The following LRRC9 variants were observed in gnomAD, a reference collection of about 807,000 sequenced individuals.
The protein encoded by LRRC9 is leucine rich repeat containing 9.
LRRC9 carries 122 observed loss-of-function variants against 63.2 expected under a neutral mutation model. The observed-to-expected ratio is 1.93, with a 90% CI of 1.67 to 2.24. LRRC9 has a LOEUF of 2.24. Among genes scored for constraint, LRRC9 ranks in the 30% most tolerant of loss-of-function variants. The pLI, the probability that LRRC9 is intolerant of heterozygous loss-of-function variation, is 0.00. For missense variants in LRRC9, 1,071 were observed against 627.7 expected, an observed-to-expected ratio of 1.71 and a Z score of -7.55; for synonymous variants, 366 against 213.1, an observed-to-expected ratio of 1.72 and a Z score of -6.25.
At chr14:59,985,914 A>C (rs901980619) in intron 17 of LRRC9, among the ~76,000 whole-genome samples, 6 of 152,116 alleles carry the variant, frequency 3.9e-5, no homozygotes, top group Admixed American at 3.9e-4. Context: ...TTGCTTTTAA[A>C]ATGTACTTTG....
intron 11 of LRRC9, 37 bp from the exon 12 acceptor site, chr14:59,967,059 C>A: frequency 1.7e-6 from 1 of 587,102 alleles, no homozygotes; most frequent in South Asian, 2.1e-5. Context: ...TTTGTGAAAT[C>A]AATCCTCAAA....
intron 27 of LRRC9, among the ~76,000 whole-genome samples, chr14:60,025,704 A>G (rs1337361154): frequency 7.3e-5 from 11 of 151,592 alleles, no homozygotes; most frequent in Admixed American, 7.2e-4. Flanking sequence ...AGAAAGTGAC[A>G]TTCAGTGTGG....
At chr14:59,999,368 G>T in intron 19 of LRRC9, 142 bp downstream of exon 19, 2 of 477,256 alleles carry the variant, frequency 4.2e-6, no homozygotes, top group East Asian at 3.3e-5. Context: ...ATACCACTTG[G>T]TATTTTTTCT....
At chr14:59,956,218 T>C (rs1490388124) in intron 8 of LRRC9, among the ~76,000 whole-genome samples, 1 of 152,168 alleles carries the variant, frequency 6.6e-6, no homozygotes, top group Non-Finnish European at 1.5e-5. Context: ...TGTTGATCTG[T>C]CTAATGTGAC....
intron 6 of LRRC9, among the ~76,000 whole-genome samples, chr14:59,935,377 G>A (rs1033221220): frequency 2.0e-5 from 3 of 151,908 alleles, no homozygotes; most frequent in African/African-American, 7.3e-5. Flanking sequence ...ATGTTACTCT[G>A]TGCTAGAAAG....
At chr14:60,009,019 C>T (rs757838470) in intron 23 of LRRC9, among the ~76,000 whole-genome samples, 36 of 152,150 alleles carry the variant, frequency 2.4e-4, no homozygotes, top group Non-Finnish European at 4.1e-4. Context: ...TATTTGTTAG[C>T]TTTCACTGAA....
In LRRC9 at chr14:60,008,076, G is replaced by C. The variant is rs901673353; in HGVS notation, c.3064-16G>C. On this transcript the variant is annotated splice_polypyrimidine_tract_variant and intron_variant, in intron 22 of 31. Coordinates refer to ENST00000445360, the Ensembl canonical transcript of LRRC9. ...TAAATATACATATAGATGAATATAT[G>C]TATTTTATTACCTAGGGTTTATGCA... The C allele has an allele frequency of 3.0e-6, 2 of 663,532 alleles. No individual in the cohort carries two copies. The highest frequency in any genetic ancestry group is 3.3e-5 in the South Asian group (2 of 60,284). The allele number at this position is 663,532 out of a possible 1,614,324, so 41.1% of individuals were successfully genotyped here.
At position 60,027,921 on chromosome 14, in the gene LRRC9, A is replaced by G. The variant is rs1891686450; in HGVS notation, c.3741A>G (p.Leu1247=). 1.4e-6 allele frequency: 1 copy of G among 701,586 alleles called. No homozygotes were observed. Among genetic ancestry groups the G allele is most frequent in the South Asian group, 1.5e-5 (1 of 67,454 alleles). The allele number at this position is 701,586 out of a possible 1,614,324, so 43.5% of individuals were successfully genotyped here. A position where few individuals can be genotyped will look rare whatever the true frequency, so the allele number is the denominator to read the frequency against. ...GCCAAGTTGAAGGGCTTGACAACTT[A>G]GTAGTCCTTCAAGAATTGGTAGTGG... Residue 1247 remains leucine, a synonymous_variant, in exon 28 of 32, where the codon TTA becomes TTG. Coordinates refer to ENST00000445360, the Ensembl canonical transcript of LRRC9. This position sits in a 1 kb window ranked among gnomAD's most constrained non-coding sequence, Gnocchi z 4.0.
At position 60,038,394 on chromosome 14, in the gene LRRC9, A is replaced by C. The variant is rs1341717233; in HGVS notation, c.3990+6331A>C. On this transcript the variant is annotated intron_variant, in intron 29 of 31. Transcript: ENST00000445360. ...TTCACAATATTGATTCTTCCTATCC[A>C]TGAGCATGGAATGTTCTTCCATTTG... Among the ~76,000 whole-genome samples the C allele has an allele frequency of 3.3e-5, 5 of 152,310 alleles. No homozygotes were observed. In the East Asian group the frequency reaches 9.6e-4, roughly 29 times the overall value.
At chr14:60,045,906 T>C (rs918965408) in intron 29 of LRRC9, among the ~76,000 whole-genome samples, 2 of 152,172 alleles carry the variant, frequency 1.3e-5, no homozygotes, top group African/African-American at 2.4e-5. Context: ...GTAAAAGCTT[T>C]TTTTTCTCTG....
At position 60,056,717 on chromosome 14, in the gene LRRC9, T is replaced by C. The variant is rs149703774; in HGVS notation, c.4132-1161T>C. ...TTTCAAATCTTTATTTTAGAGAAAT[T>C]TTCTTTTAGATTCAACACCAATTAT... On this transcript the variant is annotated intron_variant, in intron 30 of 31. Transcript: ENST00000445360. Among the ~76,000 whole-genome samples, 357 of 152,276 alleles carry C rather than the reference T, an allele frequency of 2.3e-3. 4 individuals are homozygous for C. The highest frequency in any genetic ancestry group is 1.4e-3 in the Non-Finnish European group (98 of 68,008).
At chr14:59,971,193 C>T (rs116454250) in intron 12 of LRRC9, among the ~76,000 whole-genome samples, 1 of 152,084 alleles carries the variant, frequency 6.6e-6, no homozygotes, top group African/African-American at 2.4e-5. Context: ...GGGTTCCTGT[C>T]CCCATTGCTT....
At chr14:59,992,384 G>A (rs1394953357) in intron 17 of LRRC9, among the ~76,000 whole-genome samples, 1 of 152,106 alleles carries the variant, frequency 6.6e-6, no homozygotes, top group East Asian at 1.9e-4. Flanking sequence ...GAAAAACTGG[G>A]AACTCTAAAA....
chr14:60,040,750 C>G (rs1443371509), intron 29 of LRRC9, among the ~76,000 whole-genome samples: 1 of 151,848 alleles, frequency 6.6e-6, no homozygotes, highest in Non-Finnish European at 1.5e-5. Flanking sequence ...GAGCATTTAG[C>G]CCATTTATAT....
rs1264196194 is a variant in LRRC9, at chr14:59,964,304, TTTAA to T, written c.1212-2284_1212-2281del. Among the ~76,000 whole-genome samples, 6 of 152,230 alleles carry T rather than the reference TTTAA, an allele frequency of 3.9e-5. No individual in the cohort carries two copies. Among genetic ancestry groups the T allele is most frequent in the Non-Finnish European group, 8.8e-5 (6 of 68,032 alleles). Reference sequence around the variant, plus strand: ...ACTATCATAACTTCTGTTCAACTCTTTTAAAGTCAGCTGAACTGTGTACCGCACT... The same window carrying T: ...ACTATCATAACTTCTGTTCAACTCTTAGTCAGCTGAACTGTGTACCGCACT... On this transcript the variant is annotated intron_variant, in intron 10 of 31. Coordinates refer to ENST00000445360, the Ensembl canonical transcript of LRRC9. This position sits in a 1 kb window ranked among gnomAD's most constrained non-coding sequence, Gnocchi z 4.4.
chr14:59,963,834 G>T (rs539820632), intron 10 of LRRC9, among the ~76,000 whole-genome samples: 2 of 152,226 alleles, frequency 1.3e-5, no homozygotes, highest in African/African-American at 4.8e-5. Context: ...AAGTCAGTAA[G>T]CCTGTAAAAG....
intron 29 of LRRC9, among the ~76,000 whole-genome samples, chr14:60,045,920 T>G (rs1352759313): frequency 6.6e-6 from 1 of 152,060 alleles, no homozygotes; most frequent in Non-Finnish European, 1.5e-5. Context: ...TTCTCTGCAA[T>G]CTCACCAGCA....
At chr14:60,063,271 A>C in intron 31 of LRRC9, 52 bp from the exon 33 acceptor site, 1 of 688,776 alleles carries the variant, frequency 1.5e-6, no homozygotes, top group Non-Finnish European at 2.6e-6. Context: ...TAGCTGATCC[A>C]TTACAAAATT....
At chr14:60,010,938 A>C (rs1890211725) in intron 23 of LRRC9, among the ~76,000 whole-genome samples, 1 of 152,152 alleles carries the variant, frequency 6.6e-6, no homozygotes, top group Non-Finnish European at 1.5e-5. Flanking sequence ...AGGAAGTTAC[A>C]AACTTTCCCA....
Sources: allele counts gnomAD v4.1 joint callset (sites outside exome capture counted in the v4.1 genomes callset), GRCh38; gene constraint gnomAD v4.1.1; non-coding constraint Gnocchi (gnomAD v3.1); transcripts MANE v1.5; gene names NCBI Gene and HGNC (gene_info 2026-07-23, HGNC 2026-07-21).